The following PRORP variants were observed in gnomAD, a reference collection of about 807,000 sequenced individuals.
The protein encoded by PRORP is protein only RNase P catalytic subunit, also known as mitochondrial ribonuclease P catalytic subunit.
A neutral mutation model predicts 59.4 loss-of-function variants in PRORP; 51 were observed. The observed-to-expected ratio is 0.86, with a 90% CI of 0.69 to 1.08. The LOEUF is 1.08. PRORP is among the 50% of genes least tolerant of loss of function. The pLI is 0.00. For synonymous variants in PRORP, 231 were observed against 245.6 expected, an observed-to-expected ratio of 0.94 and a Z score of 0.55; for missense variants, 646 against 690.3, an observed-to-expected ratio of 0.94 and a Z score of 0.72.
intron 4 of PRORP, among the ~76,000 whole-genome samples, chr14:35,174,148 TA>T (rs35851879): frequency 0.18 from 27,999 of 151,936 alleles, 2,826 homozygotes; most frequent in Admixed American, 0.27. Flanking sequence ...ATTCAAAGCA[TA>T]GGGTATTAGA....
chr14:35,249,726 G>T (rs2050567818), intron 5 of PRORP, among the ~76,000 whole-genome samples: 1 of 152,098 alleles, frequency 6.6e-6, no homozygotes, highest in Non-Finnish European at 1.5e-5. Context: ...CGCTATGTGG[G>T]TTACCTGTGG....
chr14:35,273,915 A>C lies in PRORP; in HGVS notation c.*349A>C, dbSNP rs1226563856. ...TCTGACCTTGCCTTCCAGGCCTACC[A>C]ATAGCAGAATCAATCCATCTGTCCC... On this transcript the variant is annotated 3_prime_UTR_variant, in exon 8 of 8. Transcript: ENST00000534898. 2 of 174,880 alleles carry C rather than the reference A, an allele frequency of 1.1e-5. No homozygotes were observed. The highest frequency in any genetic ancestry group is 2.4e-5 in the African/African-American group (1 of 41,872). 10.8% of individuals were successfully genotyped at this position (174,880 alleles called of 1,614,324 possible). A position where few individuals can be genotyped will look rare whatever the true frequency, so the allele number is the denominator to read the frequency against.
At chr14:35,180,275 C>T (rs2048569414) in intron 4 of PRORP, among the ~76,000 whole-genome samples, 1 of 152,174 alleles carries the variant, frequency 6.6e-6, no homozygotes, top group East Asian at 1.9e-4. Flanking sequence ...CCATCTTCCG[C>T]ATCGCTCACG....
At chr14:35,249,069 C>T (rs2050550295) in intron 5 of PRORP, among the ~76,000 whole-genome samples, 1 of 152,138 alleles carries the variant, frequency 6.6e-6, no homozygotes, top group Admixed American at 6.6e-5. Context: ...CTAAAGTGGT[C>T]TTGCGTTCTC....
intron 5 of PRORP, among the ~76,000 whole-genome samples, chr14:35,198,145 T>C (rs191003690): frequency 2.0e-5 from 3 of 152,378 alleles, no homozygotes; most frequent in Admixed American, 2.0e-4. Flanking sequence ...AATTCTGGTA[T>C]ATCTTCCAAA....
At chr14:35,193,989 T>C (rs527530821) in intron 5 of PRORP, among the ~76,000 whole-genome samples, 122 of 152,278 alleles carry the variant, frequency 8.0e-4, no homozygotes, top group African/African-American at 2.8e-3. Flanking sequence ...TTGAGGAATT[T>C]TTTTTTCTTT....
intron 5 of PRORP, among the ~76,000 whole-genome samples, chr14:35,228,604 G>A (rs997042656): frequency 7.2e-5 from 11 of 152,118 alleles, no homozygotes; most frequent in African/African-American, 1.9e-4. Context: ...AATCGCCTCC[G>A]GCTGCATCCA....
intron 5 of PRORP, among the ~76,000 whole-genome samples, chr14:35,237,008 T>C (rs2050235392): frequency 6.8e-6 from 1 of 148,122 alleles, no homozygotes; most frequent in African/African-American, 2.5e-5. Flanking sequence ...CCTCCTTCAC[T>C]CCTTCCTTCC....
intron 4 of PRORP, chr14:35,158,833 C>A (rs1441395047): frequency 1.6e-5 from 5 of 309,310 alleles, no homozygotes; most frequent in Non-Finnish European, 3.2e-5. Flanking sequence ...AGTAATAATT[C>A]TATGAGAAAG....
intron 5 of PRORP, among the ~76,000 whole-genome samples, chr14:35,238,905 C>T (rs2050288118): frequency 6.6e-6 from 1 of 152,184 alleles, no homozygotes; most frequent in Non-Finnish European, 1.5e-5. Context: ...ACAATAACAA[C>T]ACGTAGTCTT....
At chr14:35,141,199 T>C (rs968467283) in intron 4 of PRORP, among the ~76,000 whole-genome samples, 1 of 145,572 alleles carries the variant, frequency 6.9e-6, no homozygotes, top group Non-Finnish European at 1.5e-5. Context: ...TACTTTAATG[T>C]TAATTAGGTT....
At chr14:35,179,757 C>G (rs2048552176) in intron 4 of PRORP, among the ~76,000 whole-genome samples, 1 of 152,210 alleles carries the variant, frequency 6.6e-6, no homozygotes, top group African/African-American at 2.4e-5. Context: ...CATCGCAAAG[C>G]TTTGTTCTGT....
At chr14:35,201,972 A>T (rs1175207839) in intron 5 of PRORP, among the ~76,000 whole-genome samples, 524 of 112,440 alleles carry the variant, frequency 4.7e-3, no homozygotes, top group Middle Eastern at 0.019. Flanking sequence ...AATTATTATT[A>T]TTTTTTTTTT....
intron 5 of PRORP, among the ~76,000 whole-genome samples, chr14:35,195,099 T>A (rs1204696282): frequency 2.0e-5 from 3 of 152,126 alleles, no homozygotes; most frequent in Non-Finnish European, 4.4e-5. Context: ...AATATTTTAA[T>A]TATAGATATT....
intron 5 of PRORP, among the ~76,000 whole-genome samples, chr14:35,225,340 G>T (rs748623436): frequency 1.1e-4 from 16 of 151,774 alleles, no homozygotes; most frequent in Non-Finnish European, 1.9e-4. Context: ...CCCAACACTT[G>T]GTGTATTTTT....
At chr14:35,232,930 A>G (rs1423389445) in intron 5 of PRORP, among the ~76,000 whole-genome samples, 25 of 151,982 alleles carry the variant, frequency 1.6e-4, no homozygotes, top group Admixed American at 1.5e-3. Context: ...GCCTCAGCCT[A>G]CCAAAGTGCT....
chr14:35,184,647 A>G (rs10137757), intron 5 of PRORP, among the ~76,000 whole-genome samples: 61,629 of 151,916 alleles, frequency 0.41, 12,973 homozygotes, highest in East Asian at 0.69. Flanking sequence ...CTCAATAGTT[A>G]ATCTTTTCTG....
chr14:35,215,480 G>T (rs1229606259), intron 5 of PRORP, among the ~76,000 whole-genome samples: 1 of 152,002 alleles, frequency 6.6e-6, no homozygotes, highest in Non-Finnish European at 1.5e-5. Flanking sequence ...ATTTTACCAG[G>T]CAAATATAGA....
At chr14:35,242,424 G>A (rs1457318550) in intron 5 of PRORP, among the ~76,000 whole-genome samples, 6 of 152,070 alleles carry the variant, frequency 3.9e-5, no homozygotes, top group African/African-American at 2.4e-5. Flanking sequence ...TACTCTTTGA[G>A]TATTGTTTTT....
Sources: gnomAD v4.1 joint callset for allele counts (sites outside exome capture counted in the v4.1 genomes callset) on GRCh38, gnomAD v4.1.1 for gene constraint, MANE v1.5 for transcripts, NCBI Gene and HGNC (gene_info 2026-07-23, HGNC 2026-07-21) for gene names.